The following DAB2IP variants were observed in gnomAD, a reference collection of about 807,000 sequenced individuals.
The protein encoded by DAB2IP is DAB2 interacting protein.
Under a neutral mutation model 107.2 loss-of-function variants are expected in DAB2IP, and 28 were observed. The observed-to-expected ratio is 0.26, with a 90% CI of 0.19 to 0.36. The LOEUF is 0.36. Among genes scored for constraint, DAB2IP ranks in the 10% least tolerant of loss-of-function variants. DAB2IP has a pLI of 1.00. For synonymous variants in DAB2IP, 755 were observed against 706.4 expected, an observed-to-expected ratio of 1.07 and a Z score of -1.09; for missense variants, 1,400 against 1,644.7, an observed-to-expected ratio of 0.85 and a Z score of 2.57.
intron 1 of DAB2IP, among the ~76,000 whole-genome samples, chr9:121,625,948 C>A (rs1831629973): frequency 6.6e-6 from 1 of 152,160 alleles, no homozygotes; most frequent in Admixed American, 6.6e-5. Flanking sequence ...CCTGGCCAAG[C>A]CTGCTTCTCT....
At chr9:121,602,133 G>A (rs1431961415) in intron 1 of DAB2IP, among the ~76,000 whole-genome samples, 1 of 152,176 alleles carries the variant, frequency 6.6e-6, no homozygotes, top group Non-Finnish European at 1.5e-5. Context: ...GTGGAATATA[G>A]TTTTCAACAG....
intron 1 of DAB2IP, among the ~76,000 whole-genome samples, chr9:121,632,666 C>G (rs1291614568): frequency 6.6e-6 from 1 of 152,206 alleles, no homozygotes; most frequent in Non-Finnish European, 1.5e-5. Context: ...TGCCGTCTAA[C>G]CCCGTTCTTT....
At chr9:121,759,811 C>G in intron 5 of DAB2IP, 74 bp from the exon 6 acceptor site, 1 of 1,410,650 alleles carries the variant, frequency 7.1e-7, no homozygotes, top group South Asian at 1.4e-5. Context: ...TGAGGACTCT[C>G]TCAGGCTCTG....
chr9:121,738,372 GCTTTA>G (rs1001847626), intron 3 of DAB2IP, among the ~76,000 whole-genome samples: 28 of 152,330 alleles, frequency 1.8e-4, no homozygotes, highest in Admixed American at 1.4e-3. Flanking sequence ...CAGGAGGGAA[GCTTTA>G]CTTCTAAAAC....
intron 3 of DAB2IP, among the ~76,000 whole-genome samples, chr9:121,711,672 T>G (rs1163743788): frequency 1.3e-5 from 2 of 152,206 alleles, no homozygotes; most frequent in Non-Finnish European, 2.9e-5. Context: ...ATGATGGCAT[T>G]GCTGGCTCAG....
intron 2 of DAB2IP, among the ~76,000 whole-genome samples, chr9:121,695,970 GCA>G (rs1829405141): frequency 6.6e-6 from 1 of 152,172 alleles, no homozygotes; most frequent in South Asian, 2.1e-4. Flanking sequence ...CTGGGTTCAT[GCA>G]ATTCTCCTGC....
chr9:121,591,310 A>T (rs979247005), intron 1 of DAB2IP, among the ~76,000 whole-genome samples: 1 of 152,216 alleles, frequency 6.6e-6, no homozygotes, highest in African/African-American at 2.4e-5. Context: ...CTCTACCAAA[A>T]ATACAAAAAT....
At chr9:121,726,717 G>C (rs1314888154) in intron 3 of DAB2IP, among the ~76,000 whole-genome samples, 1 of 152,222 alleles carries the variant, frequency 6.6e-6, no homozygotes, top group African/African-American at 2.4e-5. Flanking sequence ...ACCACATCTG[G>C]TGTTGGAAGT....
chr9:121,614,304 C>A (rs1831190409), intron 1 of DAB2IP, among the ~76,000 whole-genome samples: 1 of 151,216 alleles, frequency 6.6e-6, no homozygotes. Flanking sequence ...CTAATGTGTC[C>A]AGGACTCTCC....
At chr9:121,580,368 G>C (rs1043777461) in intron 1 of DAB2IP, among the ~76,000 whole-genome samples, 3 of 152,172 alleles carry the variant, frequency 2.0e-5, no homozygotes, top group Non-Finnish European at 4.4e-5. Context: ...AGGAGAAGAT[G>C]CTGACCTTAA....
intron 3 of DAB2IP, among the ~76,000 whole-genome samples, chr9:121,711,039 C>G (rs1271033287): frequency 2.0e-5 from 3 of 152,274 alleles, no homozygotes; most frequent in Non-Finnish European, 4.4e-5. Context: ...ATAGTGAAAA[C>G]CTATTCCAGA....
chr9:121,641,503 C>G (rs1832284375), intron 1 of DAB2IP, among the ~76,000 whole-genome samples: 1 of 152,210 alleles, frequency 6.6e-6, no homozygotes, highest in African/African-American at 2.4e-5. Context: ...CCACCCAGGC[C>G]AACCCCATTT....
At chr9:121,663,970 G>A (rs188235617) in intron 1 of DAB2IP, among the ~76,000 whole-genome samples, 9 of 152,276 alleles carry the variant, frequency 5.9e-5, no homozygotes, top group East Asian at 3.9e-4. Flanking sequence ...AGTTTCCTCC[G>A]ATTAAAGGTG....
intron 8 of DAB2IP, among the ~76,000 whole-genome samples, chr9:121,764,873 G>A (rs1834157282): frequency 6.6e-6 from 1 of 152,220 alleles, no homozygotes; most frequent in Admixed American, 6.5e-5. Flanking sequence ...ATAGGGTTGT[G>A]CCTGTGCCTA....
At chr9:121,708,470 T>A (rs1830167258) in intron 3 of DAB2IP, among the ~76,000 whole-genome samples, 1 of 152,228 alleles carries the variant, frequency 6.6e-6, no homozygotes. Context: ...TGCACACCAG[T>A]GCCCTGGGTC....
At chr9:121,610,964 A>C (rs1358573851) in intron 1 of DAB2IP, among the ~76,000 whole-genome samples, 2 of 151,812 alleles carry the variant, frequency 1.3e-5, no homozygotes, top group African/African-American at 4.9e-5. Context: ...TGGAGTGACC[A>C]TAAGATTTGT....
intron 1 of DAB2IP, among the ~76,000 whole-genome samples, chr9:121,579,265 A>G (rs1479674707): frequency 6.6e-6 from 1 of 152,132 alleles, no homozygotes; most frequent in Admixed American, 6.5e-5. Flanking sequence ...ATGAGGCCTC[A>G]GTTGATCTTG....
chr9:121,628,420 C>T (rs1831748785), intron 1 of DAB2IP, among the ~76,000 whole-genome samples: 1 of 152,252 alleles, frequency 6.6e-6, no homozygotes, highest in South Asian at 2.1e-4. Flanking sequence ...GCGAGATCTT[C>T]CTCCAGGTTT....
chr9:121,781,239 CGAGT>C (rs1835616899), intron 14 of DAB2IP, among the ~76,000 whole-genome samples: 1 of 152,062 alleles, frequency 6.6e-6, no homozygotes. Flanking sequence ...TTAGGAGCAG[CGAGT>C]GTGGGATGTG....
Sources: gnomAD v4.1 joint callset for allele counts (sites outside exome capture counted in the v4.1 genomes callset) on GRCh38, gnomAD v4.1.1 for gene constraint, MANE v1.5 for transcripts, NCBI Gene and HGNC (gene_info 2026-07-23, HGNC 2026-07-21) for gene names.